The following RCAN2 variants were observed in gnomAD, a reference collection of about 807,000 sequenced individuals.
RCAN2 encodes calcipressin-2.
A neutral mutation model predicts 23.6 loss-of-function variants in RCAN2; 9 were observed. The observed-to-expected ratio is 0.38, with a 90% CI of 0.23 to 0.67. RCAN2 has a LOEUF of 0.67. Ranked by LOEUF, RCAN2 falls within the 30% of genes least tolerant of loss-of-function variation. The pLI is 0.51. For synonymous variants in RCAN2, 109 were observed against 115.7 expected (o/e 0.94, Z 0.37); for missense variants, 273 against 302.3 (o/e 0.90, Z 0.72).
At chr6:46,270,540 A>G (rs1365034359) in intron 2 of RCAN2, among the ~76,000 whole-genome samples, 1 of 152,148 alleles carries the variant, frequency 6.6e-6, no homozygotes, top group East Asian at 1.9e-4. Context: ...GTCTTCTCAG[A>G]TGGTTCCCAG....
At chr6:46,389,367 C>G (rs1765862080) in intron 2 of RCAN2, among the ~76,000 whole-genome samples, 1 of 152,188 alleles carries the variant, frequency 6.6e-6, no homozygotes, top group Non-Finnish European at 1.5e-5. Flanking sequence ...AATGTCCTTC[C>G]TCTCCTTCTA....
chr6:46,226,919 G>A (rs1765688908), intron 4 of RCAN2, among the ~76,000 whole-genome samples: 1 of 152,054 alleles, frequency 6.6e-6, no homozygotes, highest in Admixed American at 6.5e-5. Flanking sequence ...ATTAGCTGTG[G>A]GTTTGTCATA....
At chr6:46,368,682 A>T (rs1765243282) in intron 2 of RCAN2, among the ~76,000 whole-genome samples, 1 of 152,246 alleles carries the variant, frequency 6.6e-6, no homozygotes, top group African/African-American at 2.4e-5. Context: ...GAAAAGGTAC[A>T]CTAAAAATAC....
At chr6:46,446,773 TTATAAC>T (rs1308842124) in intron 2 of RCAN2, among the ~76,000 whole-genome samples, 2 of 152,166 alleles carry the variant, frequency 1.3e-5, no homozygotes, top group African/African-American at 4.8e-5. Context: ...AAAAAGTCTA[TTATAAC>T]TATAAGATAT....
chr6:46,311,386 T>C (rs183539590), intron 2 of RCAN2, among the ~76,000 whole-genome samples: 1 of 152,260 alleles, frequency 6.6e-6, no homozygotes, highest in African/African-American at 2.4e-5. Flanking sequence ...CCCCAACCAA[T>C]GGCTGTAAAA....
intron 2 of RCAN2, among the ~76,000 whole-genome samples, chr6:46,428,573 C>T (rs1370326081): frequency 6.6e-6 from 1 of 152,178 alleles, no homozygotes. Flanking sequence ...AGAAGAATCT[C>T]CAGTCTCTGA....
intron 4 of RCAN2, among the ~76,000 whole-genome samples, chr6:46,224,451 T>C (rs1398033094): frequency 6.6e-6 from 1 of 152,220 alleles, no homozygotes; most frequent in East Asian, 1.9e-4. Context: ...CACCAATCTT[T>C]TCCATCACTA....
intron 2 of RCAN2, among the ~76,000 whole-genome samples, chr6:46,366,980 T>G (rs1765186462): frequency 7.1e-6 from 1 of 140,912 alleles, no homozygotes; most frequent in African/African-American, 2.6e-5. Flanking sequence ...CCCACCCACT[T>G]GAAGGCTTTC....
rs904895369 is a variant in RCAN2, at chr6:46,456,862, G to C, written c.115C>G (p.Arg39Gly). 1 of 1,550,622 alleles carries C rather than the reference G, an allele frequency of 6.4e-7. No individual in the cohort carries two copies. Among genetic ancestry groups the C allele is most frequent in the South Asian group, 1.2e-5 (1 of 84,056 alleles). ...TGAAAGGCTTCTTCTGCAAAACAAC[G>C]AGTGACAGCCCAGTCCCTGTCTATG... ...CCIDRDWAVT[R>G]CFAEEAFQAI... The change falls in exon 2 of 5, where the codon CGT (arginine) becomes GGT (glycine). Residue 39 changes from arginine to glycine, a missense_variant. Arg to Gly is a moderately radical substitution (Grantham distance 125). Transcript: ENST00000371374.
At chr6:46,397,847 T>C (rs775927993) in intron 2 of RCAN2, among the ~76,000 whole-genome samples, 1 of 152,188 alleles carries the variant, frequency 6.6e-6, no homozygotes, top group African/African-American at 2.4e-5. Context: ...ATTCATATAA[T>C]TAACACGTGA....
intron 2 of RCAN2, among the ~76,000 whole-genome samples, chr6:46,419,135 T>TC (rs1407189370): frequency 1.3e-5 from 2 of 152,098 alleles, no homozygotes; most frequent in African/African-American, 4.8e-5. Flanking sequence ...CTACAGTACA[T>TC]CTCTTCTCAA....
At chr6:46,325,901 G>A (rs1582106868) in intron 2 of RCAN2, 1 of 984,726 alleles carries the variant, frequency 1.0e-6, no homozygotes, top group Non-Finnish European at 1.2e-6. Context: ...AAGCAGGAGG[G>A]GGTGAATCTG....
intron 2 of RCAN2, among the ~76,000 whole-genome samples, chr6:46,285,573 T>C (rs1762348931): frequency 6.6e-6 from 1 of 152,250 alleles, no homozygotes; most frequent in Non-Finnish European, 1.5e-5. Context: ...CAAGCATTTC[T>C]TGGTAAGTTC....
intron 2 of RCAN2, among the ~76,000 whole-genome samples, chr6:46,395,947 C>A (rs924039229): frequency 3.3e-5 from 5 of 152,170 alleles, no homozygotes. Flanking sequence ...CCTATATCTT[C>A]CAGCTGGAGT....
At chr6:46,428,031 A>G (rs1404123425) in intron 2 of RCAN2, among the ~76,000 whole-genome samples, 2 of 152,078 alleles carry the variant, frequency 1.3e-5, no homozygotes, top group Non-Finnish European at 2.9e-5. Flanking sequence ...ATTCAGCTAC[A>G]GGGTGAATCT....
chr6:46,330,362 C>T (rs747360564), intron 2 of RCAN2, among the ~76,000 whole-genome samples: 2 of 152,208 alleles, frequency 1.3e-5, no homozygotes, highest in African/African-American at 2.4e-5. Context: ...AGCCTGAAAA[C>T]CACAGCTCCA....
intron 1 of RCAN2, among the ~76,000 whole-genome samples, chr6:46,488,676 C>T (rs1488278648): frequency 6.6e-6 from 1 of 152,108 alleles, no homozygotes; most frequent in African/African-American, 2.4e-5. Flanking sequence ...AATAAAAATT[C>T]TCCATCTTTC....
rs559960763 is a variant in RCAN2 at position 46,362,317 on chromosome 6, A to G, written c.225+94435T>C. Among the ~76,000 whole-genome samples, 10 of 152,310 alleles carry G rather than the reference A, an allele frequency of 6.6e-5. No homozygotes were observed. In the South Asian group the frequency reaches 2.1e-3, roughly 32 times the overall value. ...GTCGTTTAAGAGAAATGAATGAATC[A>G]GCTAGAATTTTCTGCAAATTGTAGA... On this transcript the variant is annotated intron_variant, in intron 2 of 4. Coordinates refer to ENST00000371374, the MANE Select transcript of RCAN2 (RefSeq NM_001251974.2).
chr6:46,427,700 A>G (rs56210537), intron 2 of RCAN2, among the ~76,000 whole-genome samples: 3,645 of 152,330 alleles, frequency 0.024, 73 homozygotes, highest in South Asian at 0.12. Context: ...CGCATGCAAT[A>G]TAGCTGTATT....
Sources: allele counts gnomAD v4.1 joint callset (sites outside exome capture counted in the v4.1 genomes callset), GRCh38; gene constraint gnomAD v4.1.1; transcripts MANE v1.5; gene names NCBI Gene and HGNC (gene_info 2026-07-23, HGNC 2026-07-21).